The following EHMT2 variants were observed in gnomAD, a reference collection of about 807,000 sequenced individuals.
EHMT2 encodes the protein histone-lysine N-methyltransferase EHMT2.
EHMT2 carries 59 observed loss-of-function variants against 143.3 expected under a neutral mutation model. That is an observed-to-expected ratio of 0.41 (90% CI 0.33 to 0.51). The LOEUF is 0.51. Ranked by LOEUF, EHMT2 falls within the 20% of genes least tolerant of loss-of-function variation. EHMT2 has a pLI of 0.18. For missense variants in EHMT2, 1,174 were observed against 1,645.9 expected, an observed-to-expected ratio of 0.71 and a Z score of 4.96; for synonymous variants, 604 against 651.5, an observed-to-expected ratio of 0.93 and a Z score of 1.11.
intron 25 of EHMT2, among the ~76,000 whole-genome samples, chr6:31,882,278 C>T (rs1203176351): frequency 1.3e-5 from 2 of 152,086 alleles, no homozygotes; most frequent in Non-Finnish European, 2.9e-5. Flanking sequence ...GCTGTTATCA[C>T]CTCCACTCTA....
chr6:31,893,453 G>A (rs374145540), intron 4 of EHMT2: 3 of 401,404 alleles, frequency 7.5e-6, no homozygotes, highest in South Asian at 3.6e-5. Context: ...GGGAAGCTGG[G>A]ATTACAGGCA....
chr6:31,881,001 G>A lies in EHMT2; in HGVS notation c.3276+13C>T. ...CCTGGGGAGCAGCAGGGTAAGGAGG[G>A]TCTCCTGCTCACCTTGTTGTCTAAG... On this transcript the variant is annotated intron_variant, in intron 26 of 27. Coordinates refer to ENST00000375537, the Ensembl canonical transcript of EHMT2. The surrounding 1 kb of genome is among the most constrained non-coding windows in gnomAD (Gnocchi z 4.8). 6.2e-7 allele frequency: 1 copy of A among 1,611,368 alleles called. No homozygotes were observed. The highest frequency in any genetic ancestry group is 8.5e-7 in the Non-Finnish European group (1 of 1,178,656).
Position 31,879,984 on chromosome 6 carries a change from A to G in EHMT2, c.*100T>C, listed in dbSNP as rs1763883915. ...TGTGTGAAAGGGTGGTGGGGAGAGA[A>G]GATGGCAGCACCCCCAGGCATGGGC... On this transcript the variant is annotated 3_prime_UTR_variant, in exon 28 of 28. Transcript: ENST00000375537. The G allele has an allele frequency of 6.0e-6, 8 of 1,336,690 alleles. No homozygotes were observed. In the South Asian group the frequency reaches 7.9e-5, roughly 13 times the overall value. 82.8% of individuals were successfully genotyped at this position (1,336,690 alleles called of 1,614,324 possible).
At position 31,883,367 on chromosome 6, in the gene EHMT2, C is replaced by A. The variant is rs1764368492; in HGVS notation, c.2989G>T (p.Asp997Tyr). The A allele has an allele frequency of 2.5e-6, 4 of 1,612,792 alleles. No homozygotes were observed. In the African/African-American group the frequency reaches 5.3e-5, roughly 22 times the overall value. Residue 997 changes from aspartate (D) to tyrosine (Y), a missense_variant, in exon 23 of 28, where the codon GAC becomes TAC. Physicochemically the swap from Asp to Tyr is radical, Grantham distance 160. Coordinates refer to ENST00000375537, the Ensembl canonical transcript of EHMT2. The surrounding 1 kb of genome is among the most constrained non-coding windows in gnomAD (Gnocchi z 5.6). ...CCAAGGCAAGGGGCACGCACCTTGT[C>A]ATACCAGCACCGGATGCTGAGCTGG... is the stretch of plus-strand genomic sequence containing the variant.
Position 31,889,398 on chromosome 6 carries a change from C to T in EHMT2, c.1000-56G>A. On this transcript the variant is annotated intron_variant, in intron 8 of 27. Transcript: ENST00000375537. This position sits in a 1 kb window ranked among gnomAD's most constrained non-coding sequence, Gnocchi z 5.1. ...CCCTCACCCCCAGGGGCCCCCCCAA[C>T]ACCTTCAGGACCAGACCTCCAGCCC... 3.1e-6 allele frequency: 5 copies of T among 1,608,710 alleles called. No individual in the cohort carries two copies. The highest frequency in any genetic ancestry group is 3.4e-6 in the Non-Finnish European group (4 of 1,177,994).
exon 15 of EHMT2, chr6:31,887,592 CCTT>C: frequency 6.2e-7 from 1 of 1,613,094 alleles, no homozygotes; most frequent in Non-Finnish European, 8.5e-7. Context: ...ATCAGGATCA[CCTT>C]CTGCAGCTCG....
chr6:31,896,245 C>A lies in EHMT2; in HGVS notation c.582+18G>T. 2 of 1,598,052 alleles carry A rather than the reference C, an allele frequency of 1.3e-6. No homozygotes were observed. Among genetic ancestry groups the A allele is most frequent in the Non-Finnish European group, 1.7e-6 (2 of 1,170,728 alleles). On this transcript the variant is annotated intron_variant, in intron 4 of 27. Transcript: ENST00000375537. Reference sequence around the variant, plus strand: ...AAAGGTTTATGGTTGATTATCCCATCTCTCCCATCCCACTCACCTGTCCAT... The same window carrying A: ...AAAGGTTTATGGTTGATTATCCCATATCTCCCATCCCACTCACCTGTCCAT...
Position 31,888,012 on chromosome 6 carries a change from C to A in EHMT2, c.1745+29G>T. On this transcript the variant is annotated intron_variant, in intron 13 of 27. Transcript: ENST00000375537. The surrounding 1 kb of genome is among the most constrained non-coding windows in gnomAD (Gnocchi z 7.4). ...GGAGCAATAGGGGTGGGGGAGGGAA[C>A]AGACAGTACAGAAGGGGGAGGCCAG... 1.3e-6 allele frequency: 2 copies of A among 1,565,202 alleles called. No homozygotes were observed. The highest frequency in any genetic ancestry group is 1.7e-6 in the Non-Finnish European group (2 of 1,154,308).
Position 31,889,581 on chromosome 6 carries a change from C to T in EHMT2, c.886G>A (p.Glu296Lys). ...TCCTCCTCCTCTTCACTTAGTTGTT[C>T]AGTTAGAGCTTCAACTTCAGACTGG... Residue 296 changes from glutamate to lysine, a missense_variant, in exon 8 of 28, where the codon GAA becomes AAA. Around this residue, in one of 6 missense-constraint regions of EHMT2, gnomAD observed 399 missense variants for 404.4 expected, o/e 0.99. Coordinates refer to ENST00000375537, the Ensembl canonical transcript of EHMT2. The surrounding 1 kb of genome is among the most constrained non-coding windows in gnomAD (Gnocchi z 5.1). 6.2e-7 allele frequency: 1 copy of T among 1,611,180 alleles called. No homozygotes were observed. The highest frequency in any genetic ancestry group is 8.5e-7 in the Non-Finnish European group (1 of 1,179,972).
chr6:31,897,556 C>A, intron 1 of EHMT2, 80 bp downstream of exon 1: 2 of 1,095,580 alleles, frequency 1.8e-6, no homozygotes, highest in Non-Finnish European at 2.2e-6. Flanking sequence ...CCGTTGCACC[C>A]CCGGAGCATT....
intron 1 of EHMT2, 120 bp from the exon 2 acceptor site, chr6:31,897,109 G>C (rs747207622): frequency 1.2e-4 from 173 of 1,425,050 alleles, no homozygotes; most frequent in African/African-American, 5.5e-4. Context: ...CCTCTGTGGG[G>C]CCCCCCCCTT....
At chr6:31,897,219 A>G in intron 1 of EHMT2, 2 of 1,233,728 alleles carry the variant, frequency 1.6e-6, no homozygotes, top group Non-Finnish European at 2.0e-6. Context: ...GGCCGAGAGA[A>G]GAGGAGGGGG....
rs781326113 is a variant in EHMT2 at position 31,883,019 on chromosome 6, G to A, written c.2995-10C>T. The stretch of plus-strand genomic sequence containing the variant: ...GGAGCAATCGCCCATCCTAGGGTGC[G>A]GAGGGGAGGATAGTGGTTTCTCTGT... On this transcript the variant is annotated splice_polypyrimidine_tract_variant and intron_variant, in intron 23 of 27. Coordinates refer to ENST00000375537, the Ensembl canonical transcript of EHMT2. This position sits in a 1 kb window ranked among gnomAD's most constrained non-coding sequence, Gnocchi z 5.6. The A allele has an allele frequency of 1.4e-5, 23 of 1,611,026 alleles. No individual in the cohort carries two copies. Among genetic ancestry groups the A allele is most frequent in the East Asian group, 1.1e-4 (5 of 44,870 alleles).
chr6:31,892,398 C>T lies in EHMT2; in HGVS notation c.864+9G>A. 6.2e-7 allele frequency: 1 copy of T among 1,611,842 alleles called. No individual in the cohort carries two copies. The highest frequency in any genetic ancestry group is 1.3e-5 in the African/African-American group (1 of 75,038). The stretch of plus-strand genomic sequence containing the variant: ...CACCGGCGGGGAGGGCAGACCAGCT[C>T]TGTCTCACCTTGCTGTCGGAGTCCA... On this transcript the variant is annotated intron_variant, in intron 7 of 27. Coordinates refer to ENST00000375537, the Ensembl canonical transcript of EHMT2.
intron 25 of EHMT2, 39 bp downstream of exon 25, chr6:31,882,660 C>A: frequency 6.3e-7 from 1 of 1,583,008 alleles, no homozygotes; most frequent in Non-Finnish European, 8.6e-7. Context: ...GCCATGTATC[C>A]CCTTCCCACC....
At position 31,892,823 on chromosome 6, in the gene EHMT2, G is replaced by A; in HGVS notation, c.667+3C>T. 6.2e-7 allele frequency: 1 copy of A among 1,608,556 alleles called. No individual in the cohort carries two copies. The highest frequency in any genetic ancestry group is 8.5e-7 in the Non-Finnish European group (1 of 1,177,372). On this transcript the variant is annotated splice_donor_region_variant and intron_variant, in intron 5 of 27. Transcript: ENST00000375537. ...GCCACCGGGGGTGGGGGATGGGACT[G>A]ACCTGAGGTCACCTTTCCCAGTGAG...
At position 31,884,035 on chromosome 6, in the gene EHMT2, T is replaced by C. The variant is rs1177893867; in HGVS notation, c.2772-85A>G. The C allele has an allele frequency of 4.7e-6, 7 of 1,498,742 alleles. No individual in the cohort carries two copies. Among genetic ancestry groups the C allele is most frequent in the Non-Finnish European group, 6.3e-6 (7 of 1,110,010 alleles). 92.8% of individuals were successfully genotyped at this position (1,498,742 alleles called of 1,614,324 possible). ...GGTATAAGGAAGAGAGTTGGGGAGGTTCCTGGGGCTGGGGGCAGGGGAGTA... is the reference window on the plus strand; with the variant it reads ...GGTATAAGGAAGAGAGTTGGGGAGGCTCCTGGGGCTGGGGGCAGGGGAGTA... On this transcript the variant is annotated intron_variant, in intron 21 of 27. Coordinates refer to ENST00000375537, the Ensembl canonical transcript of EHMT2. This position sits in a 1 kb window ranked among gnomAD's most constrained non-coding sequence, Gnocchi z 7.3.
intron 18 of EHMT2, 198 bp from the exon 19 acceptor site, chr6:31,885,214 A>T (rs1411265729): frequency 6.4e-6 from 4 of 629,690 alleles, no homozygotes; most frequent in Non-Finnish European, 1.0e-5. Context: ...GCGGTGGCTC[A>T]TGCCTGTAAT....
chr6:31,894,215 C>T (rs1200772421), intron 4 of EHMT2, among the ~76,000 whole-genome samples: 2 of 151,872 alleles, frequency 1.3e-5, no homozygotes, highest in Admixed American at 6.6e-5. Context: ...GGCAGGATCT[C>T]GGCTAACTAC....
Sources: allele counts gnomAD v4.1 joint callset (sites outside exome capture counted in the v4.1 genomes callset), GRCh38; gene constraint gnomAD v4.1.1; regional missense constraint gnomAD v4.1.1; non-coding constraint Gnocchi (gnomAD v3.1); transcripts MANE v1.5; gene names NCBI Gene and HGNC (gene_info 2026-07-23, HGNC 2026-07-21).